The following SLC25A37 variants were observed in gnomAD, a reference collection of about 807,000 sequenced individuals.
The protein encoded by SLC25A37 is solute carrier family 25 member 37, also known as mitoferrin-1.
A neutral mutation model predicts 31.0 loss-of-function variants in SLC25A37; 17 were observed. The ratio of observed to expected loss-of-function variants is 0.55; its 90% CI spans 0.38 to 0.82. The LOEUF (loss-of-function observed/expected upper bound fraction) is 0.82, where lower values mean the gene tolerates loss of function less well. SLC25A37 is among the 40% of genes least tolerant of loss of function. The pLI, the probability that SLC25A37 is intolerant of heterozygous loss-of-function variation, is 0.00. For missense variants in SLC25A37, 404 were observed against 465.8 expected (o/e 0.87, Z 1.22); for synonymous variants, 222 against 193.0 (o/e 1.15, Z -1.24).
chr8:23,540,491 G>T (rs1482283086), intron 1 of SLC25A37, among the ~76,000 whole-genome samples: 1 of 152,198 alleles, frequency 6.6e-6, no homozygotes. Flanking sequence ...CTAACGTATA[G>T]TTAGGAGTTC....
chr8:23,533,188 G>A (rs1057138662), intron 1 of SLC25A37, among the ~76,000 whole-genome samples: 3 of 152,156 alleles, frequency 2.0e-5, no homozygotes, highest in African/African-American at 7.2e-5. Flanking sequence ...GTACCCCTCA[G>A]GCCTACCCTG....
chr8:23,547,128 C>A lies in SLC25A37; in HGVS notation c.210+17916C>A, dbSNP rs181085449. On this transcript the variant is annotated intron_variant, in intron 1 of 3. Coordinates refer to ENST00000519973, the MANE Select transcript of SLC25A37 (RefSeq NM_016612.4). ...TTCTGAAATTCTCTTTCAGACCCTACAACCCACAAGTTACTGCAAAGCTGG... is the reference window on the plus strand; with the variant it reads ...TTCTGAAATTCTCTTTCAGACCCTAAAACCCACAAGTTACTGCAAAGCTGG... Among the ~76,000 whole-genome samples the A allele has an allele frequency of 7.2e-3, 1,098 of 152,306 alleles. 8 individuals are homozygous for A. Among genetic ancestry groups the A allele is most frequent in the Non-Finnish European group, 9.6e-3 (654 of 68,036 alleles).
intron 1 of SLC25A37, among the ~76,000 whole-genome samples, chr8:23,551,444 C>G (rs1319839802): frequency 6.6e-6 from 1 of 152,014 alleles, no homozygotes; most frequent in African/African-American, 2.4e-5. Context: ...CTGCCACATC[C>G]CAGTGTTGTG....
chr8:23,569,297 T>C (rs2928684), intron 3 of SLC25A37, among the ~76,000 whole-genome samples: 144,696 of 152,224 alleles, frequency 0.95, 68,887 homozygotes, highest in African/African-American at 0.97. Flanking sequence ...TTCTCAGGCT[T>C]TACACCGAAC....
Position 23,546,519 on chromosome 8 carries a change from A to ATAGG in SLC25A37, c.210+17309_210+17310insGGTA, listed in dbSNP as rs1554497836. 1.1e-4 allele frequency among the ~76,000 whole-genome samples: 8 copies of ATAGG among 69,952 alleles called. No homozygotes were observed. The Admixed American group carries it at 1.2e-3, about 10-fold the overall frequency. The allele number at this position is 69,952 out of a possible 152,430, so 45.9% of individuals were successfully genotyped here. A position where few individuals can be genotyped will look rare whatever the true frequency, so the allele number is the denominator to read the frequency against. On this transcript the variant is annotated intron_variant, in intron 1 of 3. Transcript: ENST00000519973. ...TGTGTATATATATATATAGGTATAT[A>ATAGG]TATATATAGGTGTATATATATATAT... is the stretch of plus-strand genomic sequence containing the variant.
chr8:23,529,203 C>G lies in SLC25A37; in HGVS notation c.201C>G (p.Asp67Glu). ...ILEHSVMYPV[D>E]SVKTRMQSLS... ...AGCACTCGGTCATGTACCCGGTGGA[C>G]TCGGTGAAGGTGAGGCGCGGGGAGA... The change falls in exon 1 of 4, where the codon GAC becomes GAG. Residue 67 changes from aspartate (D) to glutamate (E), a missense_variant. Around this residue, in one of 3 missense-constraint regions of SLC25A37, gnomAD observed 154 missense variants for 153.6 expected, o/e 1.00. Transcript: ENST00000519973. The surrounding 1 kb of genome is among the most constrained non-coding windows in gnomAD (Gnocchi z 4.1). The G allele has an allele frequency of 6.2e-6, 10 of 1,608,190 alleles. No homozygotes were observed. Among genetic ancestry groups the G allele is most frequent in the Non-Finnish European group, 8.5e-6 (10 of 1,177,894 alleles).
Position 23,529,023 on chromosome 8 carries a change from C to T in SLC25A37, c.21C>T (p.Ser7=), listed in dbSNP as rs575042516. The T allele has an allele frequency of 6.5e-6, 10 of 1,537,236 alleles. No individual in the cohort carries two copies. In the South Asian group the frequency reaches 8.5e-5, roughly 13 times the overall value. The change falls in exon 1 of 4, where the codon AGC becomes AGT. Residue 7 remains serine (S), a synonymous_variant. Coordinates refer to ENST00000519973, the MANE Select transcript of SLC25A37 (RefSeq NM_016612.4). The surrounding 1 kb of genome is among the most constrained non-coding windows in gnomAD (Gnocchi z 4.1). ...GGCGGATGGAGCTGCGCAGCGGGAGCGTGGGCAGCCAGGCGGTGGCGCGGA... is the reference window on the plus strand; with the variant it reads ...GGCGGATGGAGCTGCGCAGCGGGAGTGTGGGCAGCCAGGCGGTGGCGCGGA... MELRSG[S]VGSQAVARRM...
intron 1 of SLC25A37, among the ~76,000 whole-genome samples, chr8:23,556,646 G>T (rs886336088): frequency 6.6e-6 from 1 of 151,934 alleles, no homozygotes; most frequent in African/African-American, 2.4e-5. Flanking sequence ...GTGTGTGTGT[G>T]TATGTATATG....
rs181413020 is a variant in SLC25A37 at position 23,534,233 on chromosome 8, A to G, written c.210+5021A>G. 6.2e-4 allele frequency among the ~76,000 whole-genome samples: 94 copies of G among 152,272 alleles called. No homozygotes were observed. In the East Asian group the frequency reaches 0.012, roughly 19 times the overall value. ...CTTCCAAAGTGCTGGGATTACAGGC[A>G]TGAACCACCATGCCCAGCCTCTTTC... On this transcript the variant is annotated intron_variant, in intron 1 of 3. Coordinates refer to ENST00000519973, the MANE Select transcript of SLC25A37 (RefSeq NM_016612.4).
chr8:23,558,371 A>C (rs960666700), intron 1 of SLC25A37, among the ~76,000 whole-genome samples: 6 of 152,146 alleles, frequency 3.9e-5, no homozygotes, highest in Admixed American at 1.3e-4. Context: ...CTCCTTACCC[A>C]CAGGATCTTG....
intron 1 of SLC25A37, among the ~76,000 whole-genome samples, chr8:23,537,590 G>A (rs1192650162): frequency 2.0e-5 from 3 of 152,242 alleles, no homozygotes; most frequent in African/African-American, 7.2e-5. Context: ...CGGAAATAGA[G>A]AAGAGTAGCA....
At chr8:23,567,636 A>G (rs573966759) in intron 2 of SLC25A37, 2 of 152,798 alleles carry the variant, frequency 1.3e-5, no homozygotes, top group East Asian at 1.9e-4. Flanking sequence ...ATTACGGGGC[A>G]GTGTCACCGC....
At chr8:23,548,930 C>T (rs1327623348) in intron 1 of SLC25A37, among the ~76,000 whole-genome samples, 1 of 152,202 alleles carries the variant, frequency 6.6e-6, no homozygotes, top group East Asian at 1.9e-4. Flanking sequence ...GAGCCTCTGT[C>T]CACATCCCAC....
intron 1 of SLC25A37, among the ~76,000 whole-genome samples, chr8:23,553,186 C>A (rs998115522): frequency 6.6e-6 from 1 of 152,050 alleles, no homozygotes; most frequent in African/African-American, 2.4e-5. Flanking sequence ...TTTGGGAGGC[C>A]GAGGTGGGTG....
chr8:23,550,886 G>A (rs1278688293), intron 1 of SLC25A37, among the ~76,000 whole-genome samples: 1 of 152,228 alleles, frequency 6.6e-6, no homozygotes, highest in African/African-American at 2.4e-5. Flanking sequence ...CTGCTGTGGA[G>A]CATGGGCTTC....
chr8:23,566,792 A>C (rs1802673448), intron 2 of SLC25A37: 1 of 987,712 alleles, frequency 1.0e-6, no homozygotes, highest in South Asian at 4.6e-5. Flanking sequence ...TACAACGCCA[A>C]GATCTAACTA....
At chr8:23,547,959 G>C (rs1802112577) in intron 1 of SLC25A37, among the ~76,000 whole-genome samples, 1 of 152,122 alleles carries the variant, frequency 6.6e-6, no homozygotes, top group South Asian at 2.1e-4. Flanking sequence ...CCAGGAAGCT[G>C]AGTCATCCAG....
In SLC25A37 at chr8:23,529,141, A is replaced by G. The variant is rs1278067724; in HGVS notation, c.139A>G (p.Thr47Ala). Residue 47 changes from threonine to alanine, a missense_variant, in exon 1 of 4, where the codon ACC becomes GCC. Coordinates refer to ENST00000519973, the MANE Select transcript of SLC25A37 (RefSeq NM_016612.4). This position sits in a 1 kb window ranked among gnomAD's most constrained non-coding sequence, Gnocchi z 4.1. ...ENLPTSASVS[T>A]HMTAGAMAGI... ...CCTGCCGACTAGCGCCTCCGTGTCC[A>G]CCCACATGACAGCAGGAGCGATGGC... The G allele has an allele frequency of 6.2e-7, 1 of 1,611,796 alleles. No individual in the cohort carries two copies. Among genetic ancestry groups the G allele is most frequent in the African/African-American group, 1.3e-5 (1 of 74,766 alleles).
chr8:23,556,634 A>G (rs34007282), intron 1 of SLC25A37, among the ~76,000 whole-genome samples: 28,781 of 151,658 alleles, frequency 0.19, 3,202 homozygotes, highest in Admixed American at 0.27. Context: ...GTGTGTATAT[A>G]TGTGTGTGTG....
Sources: allele counts gnomAD v4.1 joint callset (sites outside exome capture counted in the v4.1 genomes callset), GRCh38; gene constraint gnomAD v4.1.1; regional missense constraint gnomAD v4.1.1; non-coding constraint Gnocchi (gnomAD v3.1); transcripts MANE v1.5; gene names NCBI Gene and HGNC (gene_info 2026-07-23, HGNC 2026-07-21).